AP3S2: variants seen among roughly 807,000 people sequenced by gnomAD.
The protein encoded by AP3S2 is adaptor related protein complex 3 subunit sigma 2.
Under a neutral mutation model 23.4 loss-of-function variants are expected in AP3S2, and 22 were observed. The ratio of observed to expected loss-of-function variants is 0.94; its 90% CI spans 0.67 to 1.34. The LOEUF is 1.34. Among genes scored for constraint, AP3S2 ranks in the 40% most tolerant of loss-of-function variants. The pLI, the probability that AP3S2 is intolerant of heterozygous loss-of-function variation, is 0.00. For missense variants in AP3S2, 241 were observed against 236.9 expected (o/e 1.02, Z -0.11); for synonymous variants, 86 against 87.1 (o/e 0.99, Z 0.07).
intron 4 of AP3S2, among the ~76,000 whole-genome samples, chr15:89,864,201 T>C (rs16943673): frequency 0.24 from 35,831 of 152,170 alleles, 4,752 homozygotes; most frequent in South Asian, 0.33. Flanking sequence ...AACATTTTTA[T>C]GGCCTTTTAT....
In AP3S2 at chr15:89,893,979, G is replaced by T; in HGVS notation, c.-30C>A. The T allele has an allele frequency of 1.3e-6, 2 of 1,547,310 alleles. No individual in the cohort carries two copies. Among genetic ancestry groups the T allele is most frequent in the Non-Finnish European group, 8.7e-7 (1 of 1,144,536 alleles). On this transcript the variant is annotated 5_prime_UTR_variant, in exon 1 of 6. Coordinates refer to ENST00000336418, the MANE Select transcript of AP3S2 (RefSeq NM_005829.5). ...GCCAGCCACGGTTCTCTCAGCACCGGCTACTCCCAGAAAGCTCCTCCTTCC... is the reference window on the plus strand; with the variant it reads ...GCCAGCCACGGTTCTCTCAGCACCGTCTACTCCCAGAAAGCTCCTCCTTCC...
chr15:89,874,895 TAA>T (rs1253885821), intron 3 of AP3S2, among the ~76,000 whole-genome samples: 11 of 152,134 alleles, frequency 7.2e-5, no homozygotes, highest in African/African-American at 1.7e-4. Flanking sequence ...ATTTTAAAAA[TAA>T]GAGTCGTATT....
At chr15:89,859,635 G>C (rs1390449767) in intron 4 of AP3S2, among the ~76,000 whole-genome samples, 1 of 151,086 alleles carries the variant, frequency 6.6e-6, no homozygotes, top group Admixed American at 6.6e-5. Context: ...CCTCAGGTGA[G>C]CCACCCGCCT....
chr15:89,888,568 A>G lies in AP3S2; in HGVS notation c.226T>C (p.Cys76Arg). ...RHYATLYFVF[C>R]VDSSESELGI... The stretch of plus-strand genomic sequence containing the variant: ...AGTTCACTCTCTGAGGAATCCACAC[A>G]AAATACAAAGTAGAGGGTAGCATAG... The change falls in exon 3 of 6, where the codon TGT becomes CGT. Residue 76 changes from cysteine to arginine, a missense_variant. Transcript: ENST00000336418. 6.2e-7 allele frequency: 1 copy of G among 1,614,244 alleles called. No individual in the cohort carries two copies. The highest frequency in any genetic ancestry group is 8.5e-7 in the Non-Finnish European group (1 of 1,180,040).
At chr15:89,868,436 A>G (rs1596208458) in intron 4 of AP3S2, among the ~76,000 whole-genome samples, 1 of 58,002 alleles carries the variant, frequency 1.7e-5, no homozygotes, top group Admixed American at 1.7e-4. Context: ...CTGGGAGGTG[A>G]GGGGCGCCTC....
chr15:89,836,616 A>C (rs1300605967), intron 5 of AP3S2, among the ~76,000 whole-genome samples: 1 of 152,198 alleles, frequency 6.6e-6, no homozygotes, highest in East Asian at 1.9e-4. Context: ...CCCCACGTGG[A>C]GGGAACGGCA....
At chr15:89,893,662 T>G in intron 1 of AP3S2, 1 of 532,994 alleles carries the variant, frequency 1.9e-6, no homozygotes, top group South Asian at 2.5e-5. Flanking sequence ...AATGCCAGGA[T>G]CAAGAAAAGG....
chr15:89,851,205 G>C (rs1895644650), intron 4 of AP3S2, among the ~76,000 whole-genome samples: 1 of 152,088 alleles, frequency 6.6e-6, no homozygotes, highest in Non-Finnish European at 1.5e-5. Context: ...CATGACCCAA[G>C]TACAAAGTAC....
intron 4 of AP3S2, among the ~76,000 whole-genome samples, chr15:89,847,124 C>T (rs1567174707): frequency 6.6e-6 from 1 of 151,958 alleles, no homozygotes; most frequent in African/African-American, 2.4e-5. Context: ...TGCCTGTATT[C>T]CCAGCATTTT....
At position 89,837,740 on chromosome 15, in the gene AP3S2, A is replaced by G. The variant is rs1179639249; in HGVS notation, c.346-18T>C. ...TAGTGCACCTAAAAGGGAAGCAAAAATCAGGAGTCAGAATACTCTGTGGTG... is the reference window on the plus strand; with the variant it reads ...TAGTGCACCTAAAAGGGAAGCAAAAGTCAGGAGTCAGAATACTCTGTGGTG... On this transcript the variant is annotated intron_variant, in intron 4 of 5. Transcript: ENST00000336418. 6.2e-7 allele frequency: 1 copy of G among 1,613,852 alleles called. No homozygotes were observed. The highest frequency in any genetic ancestry group is 2.2e-5 in the East Asian group (1 of 44,872).
intron 4 of AP3S2, among the ~76,000 whole-genome samples, chr15:89,841,564 A>G (rs2141838228): frequency 6.6e-6 from 1 of 152,336 alleles, no homozygotes; most frequent in Non-Finnish European, 1.5e-5. Context: ...TAAATGAGAA[A>G]TCACGCAAGC....
At position 89,834,505 on chromosome 15, in the gene AP3S2, T is replaced by C. The variant is rs1178777043; in HGVS notation, c.*1010A>G. 1 of 152,224 alleles carries C rather than the reference T, an allele frequency of 6.6e-6. No homozygotes were observed. The highest frequency in any genetic ancestry group is 1.5e-5 in the Non-Finnish European group (1 of 68,072). 9.4% of individuals were successfully genotyped at this position (152,224 alleles called of 1,614,324 possible). A position where few individuals can be genotyped will look rare whatever the true frequency, so the allele number is the denominator to read the frequency against. ...CATGAGCCAGGTTTATGATTTGGATTGTGTCCTGCACATAACACCTGTGAG... is the reference window on the plus strand; with the variant it reads ...CATGAGCCAGGTTTATGATTTGGATCGTGTCCTGCACATAACACCTGTGAG... On this transcript the variant is annotated 3_prime_UTR_variant, in exon 6 of 6. Coordinates refer to ENST00000336418, the MANE Select transcript of AP3S2 (RefSeq NM_005829.5).
chr15:89,866,526 C>T (rs1896126116), intron 4 of AP3S2, among the ~76,000 whole-genome samples: 1 of 150,376 alleles, frequency 6.6e-6, no homozygotes, highest in Admixed American at 6.6e-5. Flanking sequence ...GCTCTTGTTG[C>T]CCAGGCTGAA....
At chr15:89,872,756 G>A (rs1896350883) in intron 3 of AP3S2, among the ~76,000 whole-genome samples, 1 of 152,182 alleles carries the variant, frequency 6.6e-6, no homozygotes, top group Non-Finnish European at 1.5e-5. Flanking sequence ...CACACTATTG[G>A]AGCTGATCCT....
intron 3 of AP3S2, 86 bp downstream of exon 3, chr15:89,888,435 T>C: frequency 7.5e-7 from 1 of 1,328,356 alleles, no homozygotes; most frequent in East Asian, 2.3e-5. Flanking sequence ...AATAAGGAGA[T>C]GGACACAAGG....
At chr15:89,883,357 C>T (rs1221529457) in intron 3 of AP3S2, among the ~76,000 whole-genome samples, 1 of 151,996 alleles carries the variant, frequency 6.6e-6, no homozygotes, top group East Asian at 1.9e-4. Context: ...GTATCACTCA[C>T]TACAAATGTT....
intron 4 of AP3S2, among the ~76,000 whole-genome samples, chr15:89,862,017 GTGTC>G (rs138156820): frequency 0.015 from 2,259 of 152,304 alleles, 62 homozygotes; most frequent in African/African-American, 0.051. Flanking sequence ...AGAGCAGAAA[GTGTC>G]TGGCCAGTAG....
At chr15:89,866,176 C>T (rs1470000554) in intron 4 of AP3S2, among the ~76,000 whole-genome samples, 1 of 148,938 alleles carries the variant, frequency 6.7e-6, no homozygotes, top group East Asian at 2.0e-4. Flanking sequence ...ACAGGAGAAT[C>T]ACTTGAACAC....
At chr15:89,869,579 A>G (rs1047489789) in intron 4 of AP3S2, among the ~76,000 whole-genome samples, 5 of 150,804 alleles carry the variant, frequency 3.3e-5, no homozygotes, top group Non-Finnish European at 5.9e-5. Context: ...AAAAAAAAAA[A>G]AAAAAAAGAA....
Sources: gnomAD v4.1 joint callset for allele counts (sites outside exome capture counted in the v4.1 genomes callset) on GRCh38, gnomAD v4.1.1 for gene constraint, MANE v1.5 for transcripts, NCBI Gene and HGNC (gene_info 2026-07-23, HGNC 2026-07-21) for gene names.